Variants in RHBDD1 observed in about 807,000 individuals in gnomAD.
The protein encoded by RHBDD1 is rhomboid domain containing 1.
Under a neutral mutation model 36.3 loss-of-function variants are expected in RHBDD1, and 38 were observed. The ratio of observed to expected loss-of-function variants is 1.05; its 90% CI spans 0.81 to 1.37. RHBDD1 has a LOEUF of 1.37. Ranked by LOEUF, RHBDD1 falls within the 40% of genes most tolerant of loss-of-function variation. RHBDD1 has a pLI of 0.00. For missense variants in RHBDD1, 393 were observed against 377.6 expected, an observed-to-expected ratio of 1.04 and a Z score of -0.34; for synonymous variants, 151 against 136.5, an observed-to-expected ratio of 1.11 and a Z score of -0.74.
At chr2:226,941,470 G>A (rs752070905) in intron 8 of RHBDD1, among the ~76,000 whole-genome samples, 1 of 152,202 alleles carries the variant, frequency 6.6e-6, no homozygotes, top group Non-Finnish European at 1.5e-5. Context: ...ATATATGTGT[G>A]TTAACACTTG....
intron 3 of RHBDD1, among the ~76,000 whole-genome samples, chr2:226,850,687 G>A (rs866217288): frequency 6.6e-6 from 1 of 152,138 alleles, no homozygotes; most frequent in African/African-American, 2.4e-5. Context: ...GGAAATCTAA[G>A]ACAGAGTGAT....
At chr2:226,903,998 TCCACCTCCCCATCCATCCCACTGGGAG>T (rs982151502) in intron 5 of RHBDD1, among the ~76,000 whole-genome samples, 2 of 151,988 alleles carry the variant, frequency 1.3e-5, no homozygotes, top group African/African-American at 4.8e-5. Flanking sequence ...CCATCCTTCT[TCCACCTCCCCATCCATCCCACTGGGAG>T]CCACCTCCAT....
chr2:226,872,589 C>A (rs1334959603), intron 5 of RHBDD1, among the ~76,000 whole-genome samples: 1 of 152,098 alleles, frequency 6.6e-6, no homozygotes, highest in Admixed American at 6.5e-5. Context: ...CAGTACTTTT[C>A]AAGTTTTTGT....
At chr2:226,835,246 T>C (rs556270221), upstream of RHBDD1, among the ~76,000 whole-genome samples, 1 of 152,294 alleles carries the variant, frequency 6.6e-6, no homozygotes, top group African/African-American at 2.4e-5. Flanking sequence ...TAAATATATA[T>C]AGCATTGCAA....
At chr2:226,816,472 C>G in the RHBDD1 span, among the ~76,000 whole-genome samples, 1 of 150,786 alleles carries the variant, frequency 6.6e-6, no homozygotes, top group African/African-American at 2.4e-5. Context: ...CAAATTTCTT[C>G]TGTCTAAGGA....
rs144358757 is a variant in RHBDD1 at position 226,993,283 on chromosome 2, T to C, written c.857-2148T>C. ...AGTCTCAGCAGTCTTTCAGCCTCCA[T>C]GGGTTTCTGCCCTGTGGCCTGGAGT... On this transcript the variant is annotated intron_variant, in intron 8 of 8. Transcript: ENST00000392062. Among the ~76,000 whole-genome samples the C allele has an allele frequency of 9.2e-3, 1,409 of 152,330 alleles. 22 individuals are homozygous for C. The highest frequency in any genetic ancestry group is 0.032 in the African/African-American group (1,330 of 41,578).
intron 5 of RHBDD1, among the ~76,000 whole-genome samples, chr2:226,888,554 A>G (rs1334416083): frequency 1.3e-5 from 2 of 151,746 alleles, no homozygotes; most frequent in Admixed American, 6.6e-5. Flanking sequence ...GTCTTACCAC[A>G]TTTTTCATTG....
At chr2:226,835,996 GC>G, upstream of RHBDD1, 1 of 152,802 alleles carries the variant, frequency 6.5e-6, no homozygotes, top group Non-Finnish European at 1.5e-5. Context: ...CCCGCACCCG[GC>G]CCCAGGAACC....
At chr2:226,945,147 T>TTATTAC (rs1950892652) in intron 8 of RHBDD1, among the ~76,000 whole-genome samples, 1 of 147,142 alleles carries the variant, frequency 6.8e-6, no homozygotes, top group African/African-American at 2.5e-5. Context: ...TCAAATCTGA[T>TTATTAC]TATTATTATT....
At chr2:226,940,234 C>T (rs1950579838) in intron 8 of RHBDD1, among the ~76,000 whole-genome samples, 3 of 152,048 alleles carry the variant, frequency 2.0e-5, no homozygotes, top group Admixed American at 1.3e-4. Context: ...CCATTCAGGA[C>T]GTAGTTATGG....
the RHBDD1 span, among the ~76,000 whole-genome samples, chr2:226,802,644 A>G: frequency 6.6e-6 from 1 of 152,382 alleles, no homozygotes; most frequent in African/African-American, 2.4e-5. Flanking sequence ...CTCCCCACTG[A>G]AAATTCACGG....
chr2:226,897,912 G>C (rs1340650243), intron 5 of RHBDD1, among the ~76,000 whole-genome samples: 1 of 152,168 alleles, frequency 6.6e-6, no homozygotes, highest in Non-Finnish European at 1.5e-5. Context: ...CCAGGAGGTA[G>C]AGGTTGCAAT....
chr2:226,904,958 A>G lies in RHBDD1; in HGVS notation c.567-1835A>G, dbSNP rs554169364. On this transcript the variant is annotated intron_variant, in intron 5 of 8. Coordinates refer to ENST00000392062, the MANE Select transcript of RHBDD1 (RefSeq NM_001167608.3). ...GGTCTTGGTGAAACGGTCCTGGCAC[A>G]CTTGAGCCATTTACTCAACATATCC... is the stretch of plus-strand genomic sequence containing the variant. Among the ~76,000 whole-genome samples, 5 of 152,164 alleles carry G rather than the reference A, an allele frequency of 3.3e-5. No homozygotes were observed. The East Asian group carries it at 9.7e-4, about 30-fold the overall frequency.
rs569127138 is a variant in RHBDD1 at position 226,944,058 on chromosome 2, G to A, written c.856+29707G>A. On this transcript the variant is annotated intron_variant, in intron 8 of 8. Coordinates refer to ENST00000392062, the MANE Select transcript of RHBDD1 (RefSeq NM_001167608.3). Reference sequence around the variant, plus strand: ...TTATGCCTTTGCTCAGTATAGTCTTGCTGGTGGTAGCGACAGGGGGAAGTG... The same window carrying A: ...TTATGCCTTTGCTCAGTATAGTCTTACTGGTGGTAGCGACAGGGGGAAGTG... 2.0e-4 allele frequency among the ~76,000 whole-genome samples: 31 copies of A among 152,280 alleles called. No homozygotes were observed. In the East Asian group the frequency reaches 6.0e-3, roughly 29 times the overall value.
intron 5 of RHBDD1, among the ~76,000 whole-genome samples, chr2:226,880,698 G>A (rs1945651454): frequency 6.6e-6 from 1 of 152,180 alleles, no homozygotes; most frequent in South Asian, 2.1e-4. Flanking sequence ...CACAACTGGG[G>A]ACACATTGAG....
At chr2:226,952,260 T>A (rs1951475612) in intron 8 of RHBDD1, among the ~76,000 whole-genome samples, 1 of 151,224 alleles carries the variant, frequency 6.6e-6, no homozygotes, top group Non-Finnish European at 1.5e-5. Flanking sequence ...AGGTAGTGGG[T>A]GCTTCCTGTT....
At chr2:226,935,945 T>C (rs1012459806) in intron 8 of RHBDD1, among the ~76,000 whole-genome samples, 1 of 152,158 alleles carries the variant, frequency 6.6e-6, no homozygotes, top group Admixed American at 6.6e-5. Context: ...TTTTAATGTA[T>C]GCAAATTTTC....
At chr2:226,951,267 G>A (rs948748734) in intron 8 of RHBDD1, among the ~76,000 whole-genome samples, 31 of 151,950 alleles carry the variant, frequency 2.0e-4, no homozygotes, top group African/African-American at 7.0e-4. Context: ...TGTAGTACTG[G>A]GGTTTAGGGC....
At chr2:226,801,953 T>A in the RHBDD1 span, among the ~76,000 whole-genome samples, 3 of 152,114 alleles carry the variant, frequency 2.0e-5, no homozygotes, top group Non-Finnish European at 4.4e-5. Context: ...TAACATTTTG[T>A]AAGACAACAA....
Sources: gnomAD v4.1 joint callset for allele counts (sites outside exome capture counted in the v4.1 genomes callset) on GRCh38, gnomAD v4.1.1 for gene constraint, MANE v1.5 for transcripts, NCBI Gene and HGNC (gene_info 2026-07-23, HGNC 2026-07-21) for gene names.